The following TMEFF1 variants were observed in gnomAD, a reference collection of about 807,000 sequenced individuals.
The protein encoded by TMEFF1 is transmembrane protein with EGF like and two follistatin like domains 1, also known as tomoregulin-1.
In TMEFF1, 20 loss-of-function variants were observed where a neutral mutation model predicts 47.5. The observed-to-expected ratio is 0.42, with a 90% CI of 0.30 to 0.61. TMEFF1 has a LOEUF of 0.61. Among genes scored for constraint, TMEFF1 ranks in the 20% least tolerant of loss-of-function variants. TMEFF1 has a pLI of 0.19. For synonymous variants in TMEFF1, 162 were observed against 166.3 expected (o/e 0.97, Z 0.20); for missense variants, 411 against 471.1 (o/e 0.87, Z 1.18).
At chr9:100,568,122 A>G (rs990778396) in intron 8 of TMEFF1, among the ~76,000 whole-genome samples, 14 of 152,226 alleles carry the variant, frequency 9.2e-5, no homozygotes, top group Non-Finnish European at 1.6e-4. Context: ...GGTAGGGCAC[A>G]GCCAAACCAT....
chr9:100,539,810 A>G (rs1838593116), intron 5 of TMEFF1, among the ~76,000 whole-genome samples: 1 of 151,996 alleles, frequency 6.6e-6, no homozygotes, highest in Non-Finnish European at 1.5e-5. Context: ...AGATTGGTCC[A>G]TTTTACAGAG....
At chr9:100,567,106 G>A (rs1257124861) in intron 8 of TMEFF1, among the ~76,000 whole-genome samples, 1 of 152,054 alleles carries the variant, frequency 6.6e-6, no homozygotes, top group African/African-American at 2.4e-5. Context: ...AAGTGCAGAA[G>A]GCCCTACAGT....
At chr9:100,556,613 A>T (rs1482998916) in intron 7 of TMEFF1, among the ~76,000 whole-genome samples, 2 of 152,326 alleles carry the variant, frequency 1.3e-5, no homozygotes, top group African/African-American at 4.8e-5. Context: ...AATAAACTGT[A>T]TTATGAGTTC....
chr9:100,503,628 G>T (rs914985876), intron 2 of TMEFF1, among the ~76,000 whole-genome samples: 1 of 151,768 alleles, frequency 6.6e-6, no homozygotes, highest in Non-Finnish European at 1.5e-5. Context: ...GATTATGGAG[G>T]CTGAGAAGTC....
intron 5 of TMEFF1, among the ~76,000 whole-genome samples, chr9:100,526,226 A>AT (rs1038587622): frequency 2.6e-5 from 4 of 151,718 alleles, no homozygotes; most frequent in African/African-American, 7.3e-5. Flanking sequence ...TTTGTATATG[A>AT]TTTTTTTTCT....
At chr9:100,561,336 A>G in intron 7 of TMEFF1, 61 bp from the exon 8 acceptor site, 2 of 1,575,730 alleles carry the variant, frequency 1.3e-6, no homozygotes, top group Non-Finnish European at 1.7e-6. Flanking sequence ...GAACATTTGA[A>G]AAGTCCTTAT....
In TMEFF1 at chr9:100,483,268, G is replaced by A. The variant is rs1261352675; in HGVS notation, c.196+9528G>A. Among the ~76,000 whole-genome samples the A allele has an allele frequency of 4.6e-5, 7 of 152,228 alleles. No homozygotes were observed. The East Asian group carries it at 1.2e-3, about 25-fold the overall frequency. ...TCCCAGCACTTTGGGAGCCCGAGGC[G>A]GGTGGATCACCTGAGGTCAGGAGTT... On this transcript the variant is annotated intron_variant, in intron 1 of 9. Coordinates refer to ENST00000374879, the MANE Select transcript of TMEFF1 (RefSeq NM_003692.5).
chr9:100,538,969 A>T (rs1838570406), intron 5 of TMEFF1, among the ~76,000 whole-genome samples: 1 of 151,920 alleles, frequency 6.6e-6, no homozygotes, highest in African/African-American at 2.4e-5. Flanking sequence ...CACTGGCTCA[A>T]TCTCAGCTCA....
At chr9:100,545,914 C>T (rs1838723326) in intron 5 of TMEFF1, among the ~76,000 whole-genome samples, 2 of 152,210 alleles carry the variant, frequency 1.3e-5, no homozygotes, top group Admixed American at 1.3e-4. Context: ...CAGTTCCCAA[C>T]AGGTTCCTCA....
At chr9:100,555,172 C>G (rs1001449851) in intron 7 of TMEFF1, among the ~76,000 whole-genome samples, 1 of 151,656 alleles carries the variant, frequency 6.6e-6, no homozygotes, top group African/African-American at 2.4e-5. Context: ...GACACACACA[C>G]ACACACACAC....
At position 100,473,377 on chromosome 9, in the gene TMEFF1, C is replaced by T. The variant is rs1390549769; in HGVS notation, c.-168C>T. 1 of 416,714 alleles carries T rather than the reference C, an allele frequency of 2.4e-6. No homozygotes were observed. The highest frequency in any genetic ancestry group is 3.7e-6 in the Non-Finnish European group (1 of 269,760). The allele number at this position is 416,714 out of a possible 1,614,324, so 25.8% of individuals were successfully genotyped here. On this transcript the variant is annotated 5_prime_UTR_variant, in exon 1 of 10. Coordinates refer to ENST00000374879, the MANE Select transcript of TMEFF1 (RefSeq NM_003692.5). The surrounding 1 kb of genome is among the most constrained non-coding windows in gnomAD (Gnocchi z 5.4). ...CGACTCCGTCCCGAGCGCCGCGGGCCCGGGCCTGGCGGACGCTGCGGGTGG... is the reference window on the plus strand; with the variant it reads ...CGACTCCGTCCCGAGCGCCGCGGGCTCGGGCCTGGCGGACGCTGCGGGTGG...
chr9:100,551,508 A>G (rs1838826132), intron 7 of TMEFF1, among the ~76,000 whole-genome samples: 1 of 152,248 alleles, frequency 6.6e-6, no homozygotes, highest in Admixed American at 6.5e-5. Context: ...CTTGACTAGA[A>G]TAGGAAGGCC....
At chr9:100,484,420 C>T (rs1837408267) in intron 1 of TMEFF1, among the ~76,000 whole-genome samples, 2 of 151,566 alleles carry the variant, frequency 1.3e-5, no homozygotes, top group African/African-American at 2.4e-5. Flanking sequence ...TGGGTTCAAG[C>T]GATTCTCCCT....
intron 5 of TMEFF1, among the ~76,000 whole-genome samples, chr9:100,523,909 C>A (rs1838210745): frequency 6.6e-6 from 1 of 152,142 alleles, no homozygotes; most frequent in Admixed American, 6.5e-5. Flanking sequence ...AGTGCTAAAT[C>A]ATAGAAGGTA....
At chr9:100,524,426 T>C (rs1025981068) in intron 5 of TMEFF1, among the ~76,000 whole-genome samples, 2 of 152,220 alleles carry the variant, frequency 1.3e-5, no homozygotes, top group African/African-American at 4.8e-5. Context: ...GAACAGCCTC[T>C]GTGGCAGGGT....
chr9:100,560,536 G>A (rs1027899329), intron 7 of TMEFF1, among the ~76,000 whole-genome samples: 1 of 152,136 alleles, frequency 6.6e-6, no homozygotes, highest in East Asian at 1.9e-4. Flanking sequence ...ATTTGTGTAT[G>A]TGTGTGTGCA....
At chr9:100,561,329 C>T in intron 7 of TMEFF1, 68 bp from the exon 8 acceptor site, 1 of 1,567,122 alleles carries the variant, frequency 6.4e-7, no homozygotes, top group Admixed American at 1.9e-5. Flanking sequence ...TGTTTCAGAA[C>T]ATTTGAAAAG....
intron 7 of TMEFF1, among the ~76,000 whole-genome samples, chr9:100,552,904 A>C (rs1259964890): frequency 6.6e-6 from 1 of 152,020 alleles, no homozygotes; most frequent in African/African-American, 2.4e-5. Context: ...TCAGATGTTC[A>C]ATAGCCAGAT....
At chr9:100,485,585 A>G (rs1837432449) in intron 1 of TMEFF1, among the ~76,000 whole-genome samples, 1 of 152,152 alleles carries the variant, frequency 6.6e-6, no homozygotes, top group African/African-American at 2.4e-5. Flanking sequence ...CATTTTCCCT[A>G]TATATGTGGT....
Sources: gnomAD v4.1 joint callset for allele counts (sites outside exome capture counted in the v4.1 genomes callset) on GRCh38, gnomAD v4.1.1 for gene constraint, Gnocchi (gnomAD v3.1) non-coding constraint, MANE v1.5 for transcripts, NCBI Gene and HGNC (gene_info 2026-07-23, HGNC 2026-07-21) for gene names.